Variants in PHF21A observed in about 807,000 individuals in gnomAD.
PHF21A encodes the protein BHC80a.
A neutral mutation model predicts 82.5 loss-of-function variants in PHF21A; 11 were observed. The observed-to-expected ratio is 0.13, with a 90% CI of 0.08 to 0.22. The LOEUF is 0.22. PHF21A is among the 10% of genes least tolerant of loss of function. PHF21A has a pLI of 1.00. For missense variants in PHF21A, 579 were observed against 837.8 expected (o/e 0.69, Z 3.81); for synonymous variants, 297 against 302.8 (o/e 0.98, Z 0.20).
chr11:46,102,871 A>C (rs2097112216), intron 1 of PHF21A, among the ~76,000 whole-genome samples: 2 of 152,224 alleles, frequency 1.3e-5, no homozygotes, highest in African/African-American at 4.8e-5. Flanking sequence ...CTGTTTAAAA[A>C]CTAATAATTA....
chr11:46,003,283 CAAA>C (rs201895719), intron 6 of PHF21A, among the ~76,000 whole-genome samples: 97 of 140,616 alleles, frequency 6.9e-4, no homozygotes, highest in South Asian at 1.8e-3. Flanking sequence ...GGCTAACATT[CAAA>C]AAAAAAAAAA....
chr11:46,006,735 G>GTCT (rs1323624252), intron 6 of PHF21A, among the ~76,000 whole-genome samples: 3 of 152,178 alleles, frequency 2.0e-5, no homozygotes, highest in Admixed American at 1.3e-4. Flanking sequence ...GTATTGAACT[G>GTCT]TCTTAAACGC....
At position 45,958,419 on chromosome 11, in the gene PHF21A, AATAT is replaced by A. The variant is rs71308367; in HGVS notation, c.997-4798_997-4795del. ...CTCAAAAAAAAAAAAAAAAAAAAAA[AATAT>A]ATATATATATATATATATATATATA... On this transcript the variant is annotated intron_variant, in intron 10 of 18. Coordinates refer to ENST00000676320, the MANE Select transcript of PHF21A (RefSeq NM_001352027.3). Among the ~76,000 whole-genome samples, 97 of 24,976 alleles carry A rather than the reference AATAT, an allele frequency of 3.9e-3. 1 individual carries two copies. The highest frequency in any genetic ancestry group is 9.1e-3 in the African/African-American group (81 of 8,862). The allele number at this position is 24,976 out of a possible 152,430, so 16.4% of individuals were successfully genotyped here.
intron 1 of PHF21A, among the ~76,000 whole-genome samples, chr11:46,114,363 C>CT (rs1203255490): frequency 4.6e-5 from 7 of 152,184 alleles, no homozygotes; most frequent in Admixed American, 4.6e-4. Flanking sequence ...ATCAGGAGGC[C>CT]TAACACAGGT....
At chr11:46,052,799 C>A (rs867671257) in intron 6 of PHF21A, among the ~76,000 whole-genome samples, 1 of 152,192 alleles carries the variant, frequency 6.6e-6, no homozygotes. Flanking sequence ...AGTTAACAAG[C>A]CTTTTCCACC....
At chr11:46,114,459 G>A (rs1427822050) in intron 1 of PHF21A, among the ~76,000 whole-genome samples, 1 of 152,104 alleles carries the variant, frequency 6.6e-6, no homozygotes, top group Non-Finnish European at 1.5e-5. Flanking sequence ...AGATAAGCTG[G>A]CACACAAATT....
intron 7 of PHF21A, among the ~76,000 whole-genome samples, chr11:45,971,890 C>CTTTCTTTTTTTTTTTTTTTTTTT (rs57081937): frequency 0.085 from 4,274 of 50,106 alleles, 1,570 homozygotes; most frequent in Non-Finnish European, 0.11. Flanking sequence ...CTTTTTCTTT[C>CTTTCTTTTTTTTTTTTTTTTTTT]TTTTTTTTTT....
At chr11:46,114,090 C>T (rs1488525888) in intron 1 of PHF21A, among the ~76,000 whole-genome samples, 2 of 151,208 alleles carry the variant, frequency 1.3e-5, no homozygotes, top group South Asian at 2.1e-4. Context: ...ATTCCCTACA[C>T]ACACACACAC....
chr11:46,115,510 A>C (rs1003003998), intron 1 of PHF21A, among the ~76,000 whole-genome samples: 1 of 152,226 alleles, frequency 6.6e-6, no homozygotes, highest in Non-Finnish European at 1.5e-5. Context: ...TGCAATGTTA[A>C]CATATTATCT....
chr11:46,043,274 T>C (rs2096189430), intron 6 of PHF21A, among the ~76,000 whole-genome samples: 1 of 152,114 alleles, frequency 6.6e-6, no homozygotes, highest in Non-Finnish European at 1.5e-5. Flanking sequence ...CTTTCGAAAG[T>C]TATCATGTCC....
chr11:46,041,992 A>T (rs1244416293), intron 6 of PHF21A, among the ~76,000 whole-genome samples: 1 of 152,098 alleles, frequency 6.6e-6, no homozygotes, highest in Non-Finnish European at 1.5e-5. Context: ...AAAATCCTGT[A>T]TGTCTGTTTA....
At chr11:45,946,611 A>G (rs956053046) in intron 14 of PHF21A, among the ~76,000 whole-genome samples, 2 of 152,072 alleles carry the variant, frequency 1.3e-5, no homozygotes, top group African/African-American at 4.8e-5. Context: ...TCCTGACCTC[A>G]TGATCCGCCC....
At chr11:46,088,563 TACTC>T (rs1326865938) in intron 3 of PHF21A, among the ~76,000 whole-genome samples, 8 of 152,222 alleles carry the variant, frequency 5.3e-5, no homozygotes, top group Admixed American at 3.9e-4. Flanking sequence ...TAATTCTACT[TACTC>T]ACTGTGTGAC....
At chr11:46,098,002 A>G (rs2097025701) in intron 1 of PHF21A, among the ~76,000 whole-genome samples, 1 of 152,176 alleles carries the variant, frequency 6.6e-6, no homozygotes, top group African/African-American at 2.4e-5. Flanking sequence ...AGTTCCCCCA[A>G]AAGATTCTAA....
Position 45,945,848 on chromosome 11 carries a change from A to G in PHF21A, c.1444T>C (p.Ser482Pro). 6.3e-7 allele frequency: 1 copy of G among 1,576,782 alleles called. No homozygotes were observed. Among genetic ancestry groups the G allele is most frequent in the Non-Finnish European group, 8.6e-7 (1 of 1,164,344 alleles). The change falls in exon 15 of 19, where the codon TCC becomes CCC. Residue 482 changes from serine to proline, a missense_variant. By Grantham distance (74) the Ser-to-Pro change is moderately conservative. Around this residue, in one of 3 missense-constraint regions of PHF21A, gnomAD observed 410 missense variants for 642.1 expected, o/e 0.64. Coordinates refer to ENST00000676320, the MANE Select transcript of PHF21A (RefSeq NM_001352027.3). ...VQPVSLPSPTSTDGDIHEDFC... is the reference protein window; with the variant it reads ...VQPVSLPSPTPTDGDIHEDFC... ...TTTCCCAAGTTACTTACGTCTGTGGAGGTGGGGCTGGGCAGGGACACAGGC... is the reference window on the plus strand; with the variant it reads ...TTTCCCAAGTTACTTACGTCTGTGGGGGTGGGGCTGGGCAGGGACACAGGC...
At chr11:46,059,064 A>G (rs549560542) in intron 6 of PHF21A, among the ~76,000 whole-genome samples, 1 of 152,300 alleles carries the variant, frequency 6.6e-6, no homozygotes, top group East Asian at 1.9e-4. Flanking sequence ...AGCTAGTTGG[A>G]GTTAGATTCT....
chr11:46,049,231 A>G (rs1356359160), intron 6 of PHF21A, among the ~76,000 whole-genome samples: 1 of 152,254 alleles, frequency 6.6e-6, no homozygotes, highest in East Asian at 1.9e-4. Flanking sequence ...AAAGTAATAC[A>G]GAACTGTCAG....
At position 45,971,905 on chromosome 11, in the gene PHF21A, T is replaced by TTTTTTTTTTTA. The variant is rs1452859819; in HGVS notation, c.361-539_361-538insTAAAAAAAAAA. Among the ~76,000 whole-genome samples the TTTTTTTTTTTA allele has an allele frequency of 5.3e-4, 48 of 89,950 alleles. 11 individuals carry two copies. The East Asian group carries it at 0.012, about 22-fold the overall frequency. 59.0% of individuals were successfully genotyped at this position (89,950 alleles called of 152,430 possible). ...CTTTTTCTTTCTTTTTTTTTTTTTT[T>TTTTTTTTTTTA]ATGGTGTCACCCTGGAGAGAAGGAA... On this transcript the variant is annotated intron_variant, in intron 7 of 18. Coordinates refer to ENST00000676320, the MANE Select transcript of PHF21A (RefSeq NM_001352027.3).
At chr11:45,984,254 T>C (rs963807200) in intron 6 of PHF21A, among the ~76,000 whole-genome samples, 29 of 152,304 alleles carry the variant, frequency 1.9e-4, no homozygotes, top group African/African-American at 6.7e-4. Context: ...CTTCTTAATA[T>C]ATTTCTATAA....
Sources: gnomAD v4.1 joint callset for allele counts (sites outside exome capture counted in the v4.1 genomes callset) on GRCh38, gnomAD v4.1.1 for gene constraint, gnomAD v4.1.1 regional missense constraint, MANE v1.5 for transcripts, NCBI Gene and HGNC (gene_info 2026-07-23, HGNC 2026-07-21) for gene names.